RBM33: variants seen among roughly 807,000 people sequenced by gnomAD.
The protein encoded by RBM33 is RNA-binding protein 33.
RBM33 carries 28 observed loss-of-function variants against 132.6 expected under a neutral mutation model. The observed-to-expected ratio is 0.21, with a 90% CI of 0.16 to 0.29. The LOEUF (loss-of-function observed/expected upper bound fraction) is 0.29. Among genes scored for constraint, RBM33 ranks in the 10% least tolerant of loss-of-function variants. RBM33 has a pLI of 1.00. For synonymous variants in RBM33, 634 were observed against 593.0 expected (o/e 1.07, Z -1.01); for missense variants, 1,291 against 1,518.5 (o/e 0.85, Z 2.49).
intron 5 of RBM33, among the ~76,000 whole-genome samples, chr7:155,696,301 A>G (rs1350568586): frequency 6.6e-6 from 1 of 152,234 alleles, no homozygotes; most frequent in African/African-American, 2.4e-5. Flanking sequence ...ATTTTGATAG[A>G]GAATGGATAG....
rs1563137687 is a variant in RBM33 at position 155,673,633 on chromosome 7, TATACATACACACGTGTATATATAC to T, written c.171+720_171+743del. On this transcript the variant is annotated intron_variant, in intron 3 of 17. Transcript: ENST00000401878. Reference sequence around the variant, plus strand: ...ACACACGTGTATATATATACACACATATACATACACACGTGTATATATACACACATATACATACACACGTGTATA... The same window carrying T: ...ACACACGTGTATATATATACACACATACACATATACATACACACGTGTATA... Among the ~76,000 whole-genome samples the T allele has an allele frequency of 8.4e-4, 31 of 36,852 alleles. 2 individuals are homozygous for T. The highest frequency in any genetic ancestry group is 1.9e-3 in the Non-Finnish European group (26 of 13,678). 24.2% of individuals were successfully genotyped at this position (36,852 alleles called of 152,430 possible).
rs866957506 is a variant in RBM33, at chr7:155,645,254, C to A, written c.43+335C>A. 7 of 269,382 alleles carry A rather than the reference C, an allele frequency of 2.6e-5. No homozygotes were observed. The East Asian group carries it at 3.3e-4, about 13-fold the overall frequency. 16.7% of individuals were successfully genotyped at this position (269,382 alleles called of 1,614,324 possible). ...CCTATGGGTAGGAGAGCGCCCCCCC[C>A]ACCCCCCGAGACAGTGTCACTTAGG... is the stretch of plus-strand genomic sequence containing the variant. On this transcript the variant is annotated intron_variant, in intron 1 of 17. Transcript: ENST00000401878.
intron 14 of RBM33, among the ~76,000 whole-genome samples, chr7:155,750,429 A>C (rs1157460603): frequency 5.9e-5 from 9 of 152,264 alleles, no homozygotes; most frequent in Admixed American, 2.6e-4. Context: ...GAATTAGAAC[A>C]AACAAGTGCC....
intron 1 of RBM33, among the ~76,000 whole-genome samples, chr7:155,651,171 C>T (rs1310522241): frequency 6.6e-6 from 1 of 152,186 alleles, no homozygotes; most frequent in Non-Finnish European, 1.5e-5. Context: ...AGCCACTGCA[C>T]CTGGCCGACA....
intron 2 of RBM33, among the ~76,000 whole-genome samples, chr7:155,670,254 G>C (rs982569470): frequency 1.1e-4 from 16 of 152,198 alleles, no homozygotes; most frequent in Non-Finnish European, 2.1e-4. Context: ...GGGAACTCTA[G>C]AATTGAACAC....
At position 155,773,568 on chromosome 7, in the gene RBM33, CAAAA is replaced by C. The variant is rs201127157; in HGVS notation, c.3376-967_3376-964del. The stretch of plus-strand genomic sequence containing the variant: ...AGGCAACAGTGCGAGACTCCATCTC[CAAAA>C]AAAAAAAAAAAAAAAAAAAAAAAGG... On this transcript the variant is annotated intron_variant, in intron 16 of 17. Coordinates refer to ENST00000401878, the MANE Select transcript of RBM33 (RefSeq NM_053043.3). Among the ~76,000 whole-genome samples, 262 of 50,446 alleles carry C rather than the reference CAAAA, an allele frequency of 5.2e-3. 1 individual carries two copies. The highest frequency in any genetic ancestry group is 0.021 in the African/African-American group (248 of 11,962). The allele number at this position is 50,446 out of a possible 152,430, so 33.1% of individuals were successfully genotyped here. A position where few individuals can be genotyped will look rare whatever the true frequency, so the allele number is the denominator to read the frequency against.
intron 9 of RBM33, among the ~76,000 whole-genome samples, chr7:155,725,036 G>GTA (rs1800748520): frequency 7.1e-6 from 1 of 140,562 alleles, no homozygotes; most frequent in Admixed American, 7.0e-5. Flanking sequence ...GTGTGTGTGT[G>GTA]TACAGATTTT....
chr7:155,774,346 G>C lies in RBM33; in HGVS notation c.3376-213G>C, dbSNP rs1802535761. ...AGGCTTGGAAGATGTAACTGTTGCT[G>C]TTGGGAATGATTTAGTAAAGCACTG... On this transcript the variant is annotated intron_variant, in intron 16 of 17. Coordinates refer to ENST00000401878, the MANE Select transcript of RBM33 (RefSeq NM_053043.3). The surrounding 1 kb of genome is among the most constrained non-coding windows in gnomAD (Gnocchi z 4.2). Among the ~76,000 whole-genome samples, 1 of 152,196 alleles carries C rather than the reference G, an allele frequency of 6.6e-6. No individual in the cohort carries two copies. Among genetic ancestry groups the C allele is most frequent in the Non-Finnish European group, 1.5e-5 (1 of 68,046 alleles).
chr7:155,716,985 T>C (rs1280830618), intron 8 of RBM33, among the ~76,000 whole-genome samples: 1 of 152,184 alleles, frequency 6.6e-6, no homozygotes, highest in African/African-American at 2.4e-5. Context: ...GGAAGTGCGA[T>C]GTCAATTATA....
At chr7:155,761,076 T>C (rs982453534) in intron 14 of RBM33, among the ~76,000 whole-genome samples, 5 of 152,244 alleles carry the variant, frequency 3.3e-5, no homozygotes, top group African/African-American at 7.2e-5. Flanking sequence ...ATAGCAGATA[T>C]ACACACGGTC....
intron 8 of RBM33, among the ~76,000 whole-genome samples, chr7:155,714,273 G>A (rs911616393): frequency 2.6e-5 from 4 of 152,214 alleles, no homozygotes; most frequent in Non-Finnish European, 4.4e-5. Flanking sequence ...TGCTGATAAC[G>A]ATGGGCTGTG....
chr7:155,700,997 C>T, intron 6 of RBM33, 53 bp downstream of exon 6: 2 of 1,416,466 alleles, frequency 1.4e-6, no homozygotes, highest in East Asian at 2.3e-5. Context: ...CAACTTCCTC[C>T]ATAGTATTGC....
chr7:155,766,714 T>G, intron 16 of RBM33, 59 bp downstream of exon 16: 1 of 1,508,032 alleles, frequency 6.6e-7, no homozygotes, highest in Non-Finnish European at 9.0e-7. Context: ...ACAAAATCAT[T>G]TCTTGATTTA....
chr7:155,739,768 T>TCAGCAACAGCCCCCGCCA lies in RBM33; in HGVS notation c.1797_1814dup (p.Gln599_Gln604dup). The stretch of plus-strand genomic sequence containing the variant: ...CGCATCAGCCTCAGCCTCAGCAACC[T>TCAGCAACAGCCCCCGCCA]CAGCAACAGCCCCCGCCACAGCACC... On this transcript the variant is annotated inframe_insertion, in exon 12 of 18. Transcript: ENST00000401878. The TCAGCAACAGCCCCCGCCA allele has an allele frequency of 6.5e-7, 1 of 1,540,412 alleles. No homozygotes were observed.
intron 9 of RBM33, among the ~76,000 whole-genome samples, chr7:155,732,193 AT>A (rs1205981079): frequency 6.6e-6 from 1 of 152,222 alleles, no homozygotes; most frequent in Non-Finnish European, 1.5e-5. Context: ...GCAGTGTGTA[AT>A]TACCTGTCAT....
chr7:155,647,227 G>A (rs1798224905), intron 1 of RBM33, among the ~76,000 whole-genome samples: 1 of 152,116 alleles, frequency 6.6e-6, no homozygotes, highest in Non-Finnish European at 1.5e-5. Flanking sequence ...GCACTCTAAT[G>A]TTTTCTATTT....
chr7:155,730,756 G>T (rs1344407101), intron 9 of RBM33, among the ~76,000 whole-genome samples: 2 of 152,224 alleles, frequency 1.3e-5, no homozygotes, highest in Non-Finnish European at 2.9e-5. Context: ...ACTATCATGA[G>T]AGAATTTTCG....
intron 1 of RBM33, among the ~76,000 whole-genome samples, chr7:155,646,817 C>T (rs2116858854): frequency 6.6e-6 from 1 of 152,278 alleles, no homozygotes; most frequent in East Asian, 1.9e-4. Flanking sequence ...GCCTGTAAAC[C>T]TCATGAGGAC....
chr7:155,720,846 G>A (rs1168690045), intron 9 of RBM33, among the ~76,000 whole-genome samples: 2 of 152,108 alleles, frequency 1.3e-5, no homozygotes, highest in Non-Finnish European at 2.9e-5. Flanking sequence ...CTGTATTTGG[G>A]GTTCAATCAA....
Sources: allele counts gnomAD v4.1 joint callset (sites outside exome capture counted in the v4.1 genomes callset), GRCh38; gene constraint gnomAD v4.1.1; non-coding constraint Gnocchi (gnomAD v3.1); transcripts MANE v1.5; gene names NCBI Gene and HGNC (gene_info 2026-07-23, HGNC 2026-07-21).